Variants in DCDC1 observed in about 807,000 individuals in gnomAD.
DCDC1 encodes the protein doublecortin domain containing 1.
In DCDC1, 200 loss-of-function variants were observed where a neutral mutation model predicts 178.3. The ratio of observed to expected loss-of-function variants is 1.12; its 90% CI spans 1.00 to 1.26. DCDC1 has a LOEUF of 1.26. Ranked by LOEUF, DCDC1 falls within the 50% of genes most tolerant of loss-of-function variation. DCDC1 has a pLI of 0.00. For synonymous variants in DCDC1, 690 were observed against 604.8 expected (o/e 1.14, Z -2.07); for missense variants, 1,983 against 1,749.2 (o/e 1.13, Z -2.38).
At chr11:31,254,495 T>C (rs1017927908) in intron 8 of DCDC1, among the ~76,000 whole-genome samples, 5 of 152,252 alleles carry the variant, frequency 3.3e-5, no homozygotes, top group African/African-American at 7.2e-5. Context: ...GCTGTCTAAA[T>C]AGTGAATAAC....
intron 13 of DCDC1, among the ~76,000 whole-genome samples, chr11:31,104,782 G>C (rs1180916843): frequency 6.6e-6 from 1 of 152,030 alleles, no homozygotes; most frequent in Non-Finnish European, 1.5e-5. Flanking sequence ...TCAAGAGGGA[G>C]AGAGAGATGG....
intron 20 of DCDC1, among the ~76,000 whole-genome samples, chr11:31,059,424 T>C (rs1955793722): frequency 6.6e-6 from 1 of 151,988 alleles, no homozygotes; most frequent in Admixed American, 6.6e-5. Flanking sequence ...TAATTTCATG[T>C]TCTTAAATAT....
At chr11:31,306,603 T>C (rs1440911749) in intron 4 of DCDC1, among the ~76,000 whole-genome samples, 1 of 152,006 alleles carries the variant, frequency 6.6e-6, no homozygotes, top group Non-Finnish European at 1.5e-5. Context: ...ACACAGTGTT[T>C]GCCAAAACTG....
chr11:31,217,080 C>T (rs556026444), intron 9 of DCDC1, among the ~76,000 whole-genome samples: 10 of 152,256 alleles, frequency 6.6e-5, no homozygotes, highest in African/African-American at 2.4e-4. Flanking sequence ...GTAAATCACT[C>T]CCCCTCCTCT....
intron 20 of DCDC1, among the ~76,000 whole-genome samples, chr11:30,987,873 T>C (rs1346594039): frequency 1.3e-5 from 2 of 152,230 alleles, no homozygotes; most frequent in African/African-American, 4.8e-5. Flanking sequence ...TCAAGACAAT[T>C]CTTCTTCCTC....
chr11:30,961,173 A>G (rs931219080), intron 20 of DCDC1, among the ~76,000 whole-genome samples: 5 of 152,142 alleles, frequency 3.3e-5, no homozygotes, highest in Non-Finnish European at 7.4e-5. Context: ...CTTTAATGGA[A>G]CTACAACTAT....
At chr11:31,339,228 T>C (rs1950423332) in intron 1 of DCDC1, among the ~76,000 whole-genome samples, 5 of 152,198 alleles carry the variant, frequency 3.3e-5, no homozygotes, top group Admixed American at 3.3e-4. Context: ...GCCAAATTTC[T>C]AAGTTGAAAC....
At chr11:31,056,410 T>C (rs1215169598) in intron 20 of DCDC1, among the ~76,000 whole-genome samples, 2 of 152,112 alleles carry the variant, frequency 1.3e-5, no homozygotes, top group African/African-American at 4.8e-5. Flanking sequence ...AGACAGAGAT[T>C]GTAATACTGC....
At chr11:31,167,502 A>AG (rs1966847407) in intron 9 of DCDC1, among the ~76,000 whole-genome samples, 1 of 152,088 alleles carries the variant, frequency 6.6e-6, no homozygotes, top group South Asian at 2.1e-4. Context: ...TACTATTTCC[A>AG]GAAAAACCAC....
chr11:31,310,476 G>A (rs565322321), intron 3 of DCDC1, among the ~76,000 whole-genome samples: 23 of 151,692 alleles, frequency 1.5e-4, no homozygotes, highest in East Asian at 1.4e-3. Flanking sequence ...ATGCAACCAC[G>A]CCCAGCTGAA....
intron 15 of DCDC1, among the ~76,000 whole-genome samples, chr11:31,096,362 T>C (rs1958151884): frequency 6.6e-6 from 1 of 152,076 alleles, no homozygotes; most frequent in Non-Finnish European, 1.5e-5. Flanking sequence ...ACCTCCTAAC[T>C]CCAAGTTGCC....
chr11:31,040,768 A>G (rs1295554408), intron 20 of DCDC1, among the ~76,000 whole-genome samples: 1 of 152,172 alleles, frequency 6.6e-6, no homozygotes, highest in Non-Finnish European at 1.5e-5. Context: ...AAAAATAAAA[A>G]CAATAAACAA....
chr11:31,189,387 G>C (rs915886163), intron 9 of DCDC1, among the ~76,000 whole-genome samples: 4 of 152,096 alleles, frequency 2.6e-5, no homozygotes, highest in African/African-American at 7.2e-5. Context: ...CCAATGTAAA[G>C]TTTAAACTAC....
intron 20 of DCDC1, among the ~76,000 whole-genome samples, chr11:31,009,308 T>C (rs1166145206): frequency 2.0e-5 from 3 of 152,192 alleles, no homozygotes; most frequent in Non-Finnish European, 4.4e-5. Context: ...ATAAATTTAT[T>C]GATAAGCTTA....
At chr11:31,361,012 T>C (rs1423342837) in intron 1 of DCDC1, among the ~76,000 whole-genome samples, 2 of 152,176 alleles carry the variant, frequency 1.3e-5, no homozygotes, top group African/African-American at 4.8e-5. Flanking sequence ...TGAATCCCTT[T>C]TACTGATTAT....
At chr11:30,971,831 G>C (rs1478725678) in intron 20 of DCDC1, among the ~76,000 whole-genome samples, 1 of 151,878 alleles carries the variant, frequency 6.6e-6, no homozygotes, top group African/African-American at 2.4e-5. Context: ...CGATGGTCTC[G>C]ATCTCCTGAC....
At chr11:31,274,684 T>A (rs993026425) in intron 7 of DCDC1, among the ~76,000 whole-genome samples, 1 of 146,200 alleles carries the variant, frequency 6.8e-6, no homozygotes, top group African/African-American at 2.6e-5. Flanking sequence ...AATGATATGA[T>A]CATTTCACAA....
chr11:31,014,712 T>C lies in DCDC1; in HGVS notation c.2591+49757A>G, dbSNP rs148493259. 6.3e-3 allele frequency among the ~76,000 whole-genome samples: 966 copies of C among 152,288 alleles called. 43 individuals carry two copies. The highest frequency in any genetic ancestry group is 0.06 in the Admixed American group (924 of 15,294). ...TGTTTACCAATCACTACCCTAATTA[T>C]AATCCTTCATGACCATCAGCCTATC... On this transcript the variant is annotated intron_variant, in intron 20 of 38. Coordinates refer to ENST00000684477, the MANE Select transcript of DCDC1 (RefSeq NM_001387274.1).
chr11:30,941,250 T>G (rs1947622591), intron 21 of DCDC1, among the ~76,000 whole-genome samples: 1 of 152,170 alleles, frequency 6.6e-6, no homozygotes, highest in Admixed American at 6.6e-5. Flanking sequence ...TTTACTCTAT[T>G]GTCATAATGA....
Sources: allele counts gnomAD v4.1 joint callset (sites outside exome capture counted in the v4.1 genomes callset), GRCh38; gene constraint gnomAD v4.1.1; transcripts MANE v1.5; gene names NCBI Gene and HGNC (gene_info 2026-07-23, HGNC 2026-07-21).